NFAT5: variants seen among roughly 807,000 people sequenced by gnomAD.
NFAT5 encodes nuclear factor of activated T cells 5.
Under a neutral mutation model 166.5 loss-of-function variants are expected in NFAT5, and 31 were observed. The ratio of observed to expected loss-of-function variants is 0.19; its 90% CI spans 0.14 to 0.25. NFAT5 has a LOEUF of 0.25. NFAT5 is among the 10% of genes least tolerant of loss of function. The pLI, the probability that NFAT5 is intolerant of heterozygous loss-of-function variation, is 1.00. For synonymous variants in NFAT5, 612 were observed against 639.7 expected, an observed-to-expected ratio of 0.96 and a Z score of 0.65; for missense variants, 1,449 against 1,821.8, an observed-to-expected ratio of 0.80 and a Z score of 3.72.
chr16:69,619,536 C>T (rs1459422260), intron 2 of NFAT5, among the ~76,000 whole-genome samples: 4 of 152,012 alleles, frequency 2.6e-5, no homozygotes, highest in African/African-American at 9.7e-5. Context: ...TAAAACCTAC[C>T]TCATAGGATT....
intron 9 of NFAT5, among the ~76,000 whole-genome samples, chr16:69,673,269 T>C (rs1445872423): frequency 6.6e-6 from 1 of 152,178 alleles, no homozygotes; most frequent in Non-Finnish European, 1.5e-5. Context: ...GTTTTGTTCA[T>C]TTTTATCTTT....
rs144315940 is a variant in NFAT5 at position 69,660,800 on chromosome 16, C to A, written c.1369+901C>A. ...ATAGGAAAAATTTTCCTTTTCACGT[C>A]TCTCTCTCTCTTTTTTTTTTCTTTT... On this transcript the variant is annotated intron_variant, in intron 7 of 14. Transcript: ENST00000349945. 1.1e-4 allele frequency among the ~76,000 whole-genome samples: 4 copies of A among 36,086 alleles called. No homozygotes were observed. The East Asian group carries it at 0.014, about 123-fold the overall frequency. The allele number at this position is 36,086 out of a possible 152,430, so 23.7% of individuals were successfully genotyped here. A position where few individuals can be genotyped will look rare whatever the true frequency, so the allele number is the denominator to read the frequency against.
chr16:69,666,202 A>C (rs1344990937), intron 7 of NFAT5, among the ~76,000 whole-genome samples: 5 of 141,592 alleles, frequency 3.5e-5, no homozygotes, highest in Non-Finnish European at 6.1e-5. Flanking sequence ...CGTTAGACCT[A>C]AAACCATAAA....
At chr16:69,659,622 C>A in intron 6 of NFAT5, 105 bp from the exon 7 acceptor site, 1 of 867,630 alleles carries the variant, frequency 1.2e-6, no homozygotes, top group Non-Finnish European at 1.6e-6. Flanking sequence ...TACATATTCA[C>A]AGAATTAATA....
At chr16:69,600,760 G>A (rs200367911) in intron 2 of NFAT5, among the ~76,000 whole-genome samples, 277 of 101,304 alleles carry the variant, frequency 2.7e-3, no homozygotes, top group Non-Finnish European at 2.6e-3. Flanking sequence ...GGAATACTTT[G>A]AAAAAAAAAA....
intron 2 of NFAT5, among the ~76,000 whole-genome samples, chr16:69,608,213 C>T (rs985558607): frequency 3.3e-5 from 5 of 151,796 alleles, no homozygotes; most frequent in East Asian, 3.9e-4. Context: ...AAAAATTAGC[C>T]GGGTGTTGTG....
At chr16:69,595,288 A>G (rs2032726601) in intron 2 of NFAT5, among the ~76,000 whole-genome samples, 1 of 152,200 alleles carries the variant, frequency 6.6e-6, no homozygotes. Context: ...ATGTAAGATG[A>G]TACAGTGCCG....
intron 10 of NFAT5, among the ~76,000 whole-genome samples, chr16:69,683,615 C>G (rs1214135884): frequency 6.6e-6 from 1 of 152,126 alleles, no homozygotes; most frequent in Non-Finnish European, 1.5e-5. Context: ...ATTTATTAAA[C>G]TTTATTTTTT....
In NFAT5 at chr16:69,692,101, A is replaced by T; in HGVS notation, c.2276A>T (p.Gln759Leu). ...LSQLTEASQQ[Q>L]QQSPLQEQAQ... The stretch of plus-strand genomic sequence containing the variant: ...CAACTGACTGAGGCATCACAACAAC[A>T]GCAGCAGTCACCACTACAAGAACAA... The change falls in exon 13 of 15, where the codon CAG becomes CTG. Residue 759 changes from glutamine (Q) to leucine (L), a missense_variant. This residue lies in a region of NFAT5 where 891 missense variants were observed against 993.0 expected (regional missense o/e 0.90). Coordinates refer to ENST00000349945, the MANE Select transcript of NFAT5 (RefSeq NM_138713.4). 2 of 1,614,192 alleles carry T rather than the reference A, an allele frequency of 1.2e-6. No homozygotes were observed. The highest frequency in any genetic ancestry group is 1.7e-6 in the Non-Finnish European group (2 of 1,180,044).
At chr16:69,577,312 C>A (rs2016816500) in intron 2 of NFAT5, among the ~76,000 whole-genome samples, 1 of 152,098 alleles carries the variant, frequency 6.6e-6, no homozygotes, top group African/African-American at 2.4e-5. Flanking sequence ...CTATAAGCAA[C>A]ATGGGCCAGA....
chr16:69,634,807 C>T (rs2034884098), intron 3 of NFAT5, among the ~76,000 whole-genome samples: 1 of 152,060 alleles, frequency 6.6e-6, no homozygotes, highest in African/African-American at 2.4e-5. Flanking sequence ...AATCTAATTG[C>T]TATCATATCA....
chr16:69,632,326 A>G (rs1031706750), intron 3 of NFAT5: 11 of 152,110 alleles, frequency 7.2e-5, no homozygotes, highest in Admixed American at 2.6e-4. Flanking sequence ...TCATATCACA[A>G]TCCTTCTAGC....
At chr16:69,639,533 C>T (rs781170574) in intron 3 of NFAT5, among the ~76,000 whole-genome samples, 1 of 151,898 alleles carries the variant, frequency 6.6e-6, no homozygotes, top group Admixed American at 6.5e-5. Flanking sequence ...AGAAACAAAC[C>T]CTTCAGCTTC....
At chr16:69,567,368 G>A (rs2016127985) in intron 1 of NFAT5, among the ~76,000 whole-genome samples, 1 of 152,226 alleles carries the variant, frequency 6.6e-6, no homozygotes, top group East Asian at 1.9e-4. Flanking sequence ...CTGTGCAAGG[G>A]GCTTCAAAAC....
rs2037773227 is a variant in NFAT5, at chr16:69,696,577, A to T, written c.*226A>T. ...TTTTATATTCCTAATAACAGTGATG[A>T]CTGAGAATCTATTTGAGTTTCCAGC... On this transcript the variant is annotated 3_prime_UTR_variant, in exon 15 of 15. Coordinates refer to ENST00000349945, the MANE Select transcript of NFAT5 (RefSeq NM_138713.4). The T allele has an allele frequency of 6.6e-6, 1 of 152,648 alleles. No homozygotes were observed. The highest frequency in any genetic ancestry group is 2.4e-5 in the African/African-American group (1 of 41,470). 9.5% of individuals were successfully genotyped at this position (152,648 alleles called of 1,614,324 possible). A position where few individuals can be genotyped will look rare whatever the true frequency, so the allele number is the denominator to read the frequency against.
At chr16:69,579,994 A>C (rs1036473095) in intron 2 of NFAT5, among the ~76,000 whole-genome samples, 1 of 152,292 alleles carries the variant, frequency 6.6e-6, no homozygotes, top group African/African-American at 2.4e-5. Context: ...TAAATAAGCA[A>C]AATAAAAGTA....
rs576469636 is a variant in NFAT5, at chr16:69,648,980, A to G, written c.812+1394A>G. The G allele has an allele frequency of 3.2e-5, 31 of 974,488 alleles. No individual in the cohort carries two copies. In the Admixed American group the frequency reaches 1.7e-3, roughly 54 times the overall value. 60.4% of individuals were successfully genotyped at this position (974,488 alleles called of 1,614,324 possible). A position where few individuals can be genotyped will look rare whatever the true frequency, so the allele number is the denominator to read the frequency against. ...TTCTTTACCTCCTTAAGGGTGATGT[A>G]GTTAAATGAAAATGAATATTTAAAT... On this transcript the variant is annotated intron_variant, in intron 4 of 14. Transcript: ENST00000349945.
intron 3 of NFAT5, among the ~76,000 whole-genome samples, chr16:69,631,281 A>G (rs1209188680): frequency 1.3e-5 from 2 of 152,046 alleles, no homozygotes; most frequent in Non-Finnish European, 2.9e-5. Context: ...AAATACAAAA[A>G]TTAGCTGGGC....
chr16:69,600,006 T>G (rs1051164716), intron 2 of NFAT5, among the ~76,000 whole-genome samples: 1 of 150,980 alleles, frequency 6.6e-6, no homozygotes, highest in Non-Finnish European at 1.5e-5. Context: ...AGTGTAAGAG[T>G]AAAAGAGAAA....
Sources: allele counts gnomAD v4.1 joint callset (sites outside exome capture counted in the v4.1 genomes callset), GRCh38; gene constraint gnomAD v4.1.1; regional missense constraint gnomAD v4.1.1; transcripts MANE v1.5; gene names NCBI Gene and HGNC (gene_info 2026-07-23, HGNC 2026-07-21).